Variants in FAM98A observed in about 807,000 individuals in gnomAD.
FAM98A encodes the protein tRNA splicing ligase complex subunit 3A.
Under a neutral mutation model 62.9 loss-of-function variants are expected in FAM98A, and 25 were observed. That is an observed-to-expected ratio of 0.40 (90% CI 0.29 to 0.56). The LOEUF (loss-of-function observed/expected upper bound fraction) is 0.56, where lower values mean the gene tolerates loss of function less well. Ranked by LOEUF, FAM98A falls within the 20% of genes least tolerant of loss-of-function variation. The pLI is 0.51. For missense variants in FAM98A, 653 were observed against 640.7 expected (o/e 1.02, Z -0.21); for synonymous variants, 252 against 228.6 (o/e 1.10, Z -0.92).
chr2:33,586,672 TC>T lies in FAM98A; in HGVS notation c.609del (p.Ile204Ter). On this transcript the variant is annotated frameshift_variant, in exon 6 of 8. Transcript: ENST00000238823. LOFTEE classifies it high-confidence loss of function. Reference sequence around the variant, plus strand: ...GCTATGGCTTGGTTAATTGCTTCTATCTTTTCCTGAAGCAAAATTAAAAAGA... The same window carrying T: ...GCTATGGCTTGGTTAATTGCTTCTATTTTTCCTGAAGCAAAATTAAAAAGA... ...KKPMGPAHWEKIEAINQAIAN... is the reference protein window; with the variant it reads ...KKPMGPAHWEXIEAINQAIAN... 1 of 1,604,662 alleles carries T rather than the reference TC, an allele frequency of 6.2e-7. No homozygotes were observed. The highest frequency in any genetic ancestry group is 8.5e-7 in the Non-Finnish European group (1 of 1,171,516).
chr2:33,592,245 G>A (rs1677687976), intron 2 of FAM98A, 31 bp from the exon 3 acceptor site: 1 of 1,518,244 alleles, frequency 6.6e-7, no homozygotes, highest in African/African-American at 1.4e-5. Flanking sequence ...CTTATTTAAT[G>A]ATAGTGATTA....
Position 33,585,224 on chromosome 2 carries a change from C to T in FAM98A, c.1109G>A (p.Gly370Asp), listed in dbSNP as rs1419157577. 4 of 1,614,126 alleles carry T rather than the reference C, an allele frequency of 2.5e-6. No homozygotes were observed. The highest frequency in any genetic ancestry group is 1.6e-4 in the Middle Eastern group (1 of 6,062). Residue 370 changes from glycine (G) to aspartate (D), a missense_variant, in exon 8 of 8, where the codon GGC (glycine) becomes GAC (aspartate). Transcript: ENST00000238823. ...RGGRGGYDHGGRGGGRGNKHQ... is the reference protein window; with the variant it reads ...RGGRGGYDHGDRGGGRGNKHQ... Reference sequence around the variant, plus strand: ...CTTATTTCCTCTTCCTCCCCCTCGGCCACCATGGTCATAGCCACCACGTCC... The same window carrying T: ...CTTATTTCCTCTTCCTCCCCCTCGGTCACCATGGTCATAGCCACCACGTCC...
At chr2:33,588,632 T>C in intron 3 of FAM98A, 113 bp from the exon 4 acceptor site, 1 of 688,150 alleles carries the variant, frequency 1.5e-6, no homozygotes, top group Non-Finnish European at 2.2e-6. Flanking sequence ...GCTGCAAGAA[T>C]GGATAAAAAC....
rs1677689462 is a variant in FAM98A, at chr2:33,592,315, A to C, written c.203-101T>G. 1.1e-5 allele frequency: 11 copies of C among 1,005,508 alleles called. No individual in the cohort carries two copies. In the East Asian group the frequency reaches 2.9e-4, roughly 27 times the overall value. 62.3% of individuals were successfully genotyped at this position (1,005,508 alleles called of 1,614,324 possible). On this transcript the variant is annotated intron_variant, in intron 2 of 7. Coordinates refer to ENST00000238823, the MANE Select transcript of FAM98A (RefSeq NM_015475.5). ...TGAAATTGTTAATAGGATTTTCATA[A>C]CTTGAGTTTTTTCCCCTTCTAATTT...
intron 6 of FAM98A, 85 bp downstream of exon 6, chr2:33,586,477 C>A: frequency 1.2e-6 from 1 of 861,392 alleles, no homozygotes; most frequent in South Asian, 1.6e-5. Context: ...GTACTTCTCC[C>A]ATAGTTGCCA....
chr2:33,596,673 C>T (rs972612002), intron 1 of FAM98A, among the ~76,000 whole-genome samples: 13 of 152,112 alleles, frequency 8.5e-5, no homozygotes, highest in Admixed American at 7.8e-4. Context: ...AGGTGGATCA[C>T]GAGGTCAGGA....
At chr2:33,594,308 A>G (rs1020191134) in intron 2 of FAM98A, among the ~76,000 whole-genome samples, 6 of 151,970 alleles carry the variant, frequency 3.9e-5, no homozygotes, top group African/African-American at 1.2e-4. Flanking sequence ...AAACTAACAC[A>G]GGAACAGAAA....
chr2:33,598,671 G>C (rs1677874865), intron 1 of FAM98A, among the ~76,000 whole-genome samples: 1 of 152,136 alleles, frequency 6.6e-6, no homozygotes, highest in Non-Finnish European at 1.5e-5. Flanking sequence ...CATACAAGTG[G>C]CTTAGCGAAG....
intron 3 of FAM98A, chr2:33,589,954 T>C (rs1347376210): frequency 1.3e-5 from 2 of 152,290 alleles, no homozygotes; most frequent in East Asian, 3.9e-4. Flanking sequence ...TGATTTAATA[T>C]ATTGGTTCTG....
chr2:33,588,209 G>T (rs759555182), intron 4 of FAM98A, 126 bp downstream of exon 4: 2 of 746,494 alleles, frequency 2.7e-6, no homozygotes, highest in Non-Finnish European at 4.4e-6. Context: ...AACTCATTTC[G>T]TAACAATTAC....
At chr2:33,593,135 G>A (rs1337383704) in intron 2 of FAM98A, among the ~76,000 whole-genome samples, 2 of 152,212 alleles carry the variant, frequency 1.3e-5, no homozygotes, top group Non-Finnish European at 2.9e-5. Flanking sequence ...CGGGCACGGT[G>A]GCTCATGCCT....
rs1677492947 is a variant in FAM98A, at chr2:33,584,687, C to A, written c.*89G>T. Reference sequence around the variant, plus strand: ...GGAATCTGCCTGCCACCTGTGGTCTCACATTAATTCAAAATAGGTGCTGAA... The same window carrying A: ...GGAATCTGCCTGCCACCTGTGGTCTAACATTAATTCAAAATAGGTGCTGAA... On this transcript the variant is annotated 3_prime_UTR_variant, in exon 8 of 8. Coordinates refer to ENST00000238823, the MANE Select transcript of FAM98A (RefSeq NM_015475.5). The A allele has an allele frequency of 8.6e-7, 1 of 1,166,734 alleles. No individual in the cohort carries two copies. The highest frequency in any genetic ancestry group is 1.2e-6 in the Non-Finnish European group (1 of 816,048). 72.3% of individuals were successfully genotyped at this position (1,166,734 alleles called of 1,614,324 possible). A position where few individuals can be genotyped will look rare whatever the true frequency, so the allele number is the denominator to read the frequency against.
Position 33,585,301 on chromosome 2 carries a change from T to G in FAM98A, c.1032A>C (p.Glu344Asp). ...GGRGGGRGGY[E>D]HSSYGGRGGH... The stretch of plus-strand genomic sequence containing the variant: ...CTCCTCGTCCTCCGTATGAGGAATG[T>G]TCATAGCCACCTCTCCCTCCTCCTC... The change falls in exon 8 of 8, where the codon GAA (glutamate) becomes GAC (aspartate). Residue 344 changes from glutamate to aspartate, a missense_variant. Transcript: ENST00000238823. The G allele has an allele frequency of 6.2e-7, 1 of 1,613,994 alleles. No individual in the cohort carries two copies. The highest frequency in any genetic ancestry group is 8.5e-7 in the Non-Finnish European group (1 of 1,179,998).
At position 33,599,270 on chromosome 2, in the gene FAM98A, G is replaced by A. The variant is rs775450967; in HGVS notation, c.-49C>T. 3 of 1,506,528 alleles carry A rather than the reference G, an allele frequency of 2.0e-6. No homozygotes were observed. The highest frequency in any genetic ancestry group is 2.8e-6 in the Non-Finnish European group (3 of 1,081,688). 93.3% of individuals were successfully genotyped at this position (1,506,528 alleles called of 1,614,324 possible). ...GAGTCGTCAGGCTCCCCTCTTCGCCGGCAACGCGTACACTCGCGCATGCGC... is the reference window on the plus strand; with the variant it reads ...GAGTCGTCAGGCTCCCCTCTTCGCCAGCAACGCGTACACTCGCGCATGCGC... On this transcript the variant is annotated 5_prime_UTR_variant, in exon 1 of 8. Coordinates refer to ENST00000238823, the MANE Select transcript of FAM98A (RefSeq NM_015475.5).
At chr2:33,597,253 G>C (rs62150473) in intron 1 of FAM98A, among the ~76,000 whole-genome samples, 1 of 151,950 alleles carries the variant, frequency 6.6e-6, no homozygotes, top group African/African-American at 2.4e-5. Flanking sequence ...CAGCTACTCC[G>C]GAGCCTGAAG....
At chr2:33,595,668 A>C (rs757836189) in intron 1 of FAM98A, 31 bp from the exon 2 acceptor site, 4 of 1,541,180 alleles carry the variant, frequency 2.6e-6, no homozygotes, top group African/African-American at 1.4e-5. Flanking sequence ...TTTCAGAAGA[A>C]AATACAATCA....
intron 3 of FAM98A, among the ~76,000 whole-genome samples, chr2:33,591,215 A>G (rs1677665434): frequency 6.6e-6 from 1 of 151,878 alleles, no homozygotes; most frequent in South Asian, 2.1e-4. Context: ...TTTTAACAGA[A>G]CCTTAAAAAC....
In FAM98A at chr2:33,585,059, C is replaced by T. The variant is rs370504938; in HGVS notation, c.1274G>A (p.Gly425Asp). The T allele has an allele frequency of 2.0e-5, 32 of 1,614,054 alleles. No homozygotes were observed. The highest frequency in any genetic ancestry group is 2.5e-5 in the Non-Finnish European group (30 of 1,180,042). ...SGGYQGGGYGGFQTSSSYTGS... is the reference protein window; with the variant it reads ...SGGYQGGGYGDFQTSSSYTGS... ...TGTATATGAAGAAGATGTTTGGAAGCCACCATAACCTCCGCCTTGATAGCC... is the reference window on the plus strand; with the variant it reads ...TGTATATGAAGAAGATGTTTGGAAGTCACCATAACCTCCGCCTTGATAGCC... The change falls in exon 8 of 8, where the codon GGC becomes GAC. Residue 425 changes from glycine to aspartate, a missense_variant. Transcript: ENST00000238823.
intron 3 of FAM98A, among the ~76,000 whole-genome samples, chr2:33,590,074 T>A (rs546864245): frequency 1.3e-5 from 2 of 152,290 alleles, no homozygotes; most frequent in South Asian, 2.1e-4. Context: ...GGAAAGGCAC[T>A]GAAGATAACA....
Sources: gnomAD v4.1 joint callset for allele counts (sites outside exome capture counted in the v4.1 genomes callset) on GRCh38, gnomAD v4.1.1 for gene constraint, MANE v1.5 for transcripts, NCBI Gene and HGNC (gene_info 2026-07-23, HGNC 2026-07-21) for gene names.